Variants in INPP4B observed in about 807,000 individuals in gnomAD.
INPP4B encodes inositol polyphosphate-4-phosphatase type II B, also known as inositol polyphosphate 4-phosphatase type II.
INPP4B carries 55 observed loss-of-function variants against 122.5 expected under a neutral mutation model. The ratio of observed to expected loss-of-function variants is 0.45; its 90% confidence interval spans 0.36 to 0.56. The LOEUF (loss-of-function observed/expected upper bound fraction) is 0.56, where lower values mean the gene tolerates loss of function less well. INPP4B is among the 20% of genes least tolerant of loss of function. INPP4B has a pLI of 0.00. For synonymous variants in INPP4B, 403 were observed against 388.7 expected (o/e 1.04, Z -0.43); for missense variants, 1,000 against 1,097.7 (o/e 0.91, Z 1.26).
intron 12 of INPP4B, among the ~76,000 whole-genome samples, chr4:142,224,335 T>A (rs1414797536): frequency 6.6e-6 from 1 of 152,150 alleles, no homozygotes; most frequent in Non-Finnish European, 1.5e-5. Flanking sequence ...CCTAAATAAA[T>A]CTGAATTTAA....
intron 2 of INPP4B, among the ~76,000 whole-genome samples, chr4:142,712,415 A>G (rs1329118017): frequency 6.6e-6 from 1 of 152,218 alleles, no homozygotes; most frequent in Non-Finnish European, 1.5e-5. Flanking sequence ...AGATACCTAT[A>G]CATGAGCCTG....
intron 11 of INPP4B, among the ~76,000 whole-genome samples, chr4:142,243,117 A>C (rs1181822569): frequency 6.6e-6 from 1 of 152,224 alleles, no homozygotes; most frequent in Non-Finnish European, 1.5e-5. Flanking sequence ...AATGCAAGAG[A>C]GAGCACAGGG....
chr4:142,205,507 A>G (rs796655210), intron 14 of INPP4B, among the ~76,000 whole-genome samples: 14 of 152,226 alleles, frequency 9.2e-5, no homozygotes, highest in African/African-American at 2.6e-4. Context: ...TACTTGATCA[A>G]TTTTCTCCAA....
At chr4:142,329,078 A>G (rs1263347766) in intron 7 of INPP4B, among the ~76,000 whole-genome samples, 5 of 152,240 alleles carry the variant, frequency 3.3e-5, no homozygotes, top group African/African-American at 1.2e-4. Flanking sequence ...AGATATGGTC[A>G]TGAACAAGGA....
chr4:142,678,903 A>G (rs1417664140), intron 2 of INPP4B, among the ~76,000 whole-genome samples: 1 of 151,932 alleles, frequency 6.6e-6, no homozygotes, highest in Non-Finnish European at 1.5e-5. Flanking sequence ...CATCTTTCCA[A>G]GATACATTAA....
At position 142,027,804 on chromosome 4, in the gene INPP4B, C is replaced by T. The variant is rs773667974; in HGVS notation, c.*978G>A. The T allele has an allele frequency of 6.1e-6, 1 of 164,160 alleles. No homozygotes were observed. Among genetic ancestry groups the T allele is most frequent in the Non-Finnish European group, 1.3e-5 (1 of 75,060 alleles). 10.2% of individuals were successfully genotyped at this position (164,160 alleles called of 1,614,324 possible). A position where few individuals can be genotyped will look rare whatever the true frequency, so the allele number is the denominator to read the frequency against. The stretch of plus-strand genomic sequence containing the variant: ...GCAAGGGCAAGTTTGATATTCAGGG[C>T]AACAGAAAATAATTGTTTTACTTTA... On this transcript the variant is annotated 3_prime_UTR_variant, in exon 26 of 26. Coordinates refer to ENST00000262992, the MANE Select transcript of INPP4B (RefSeq NM_001101669.3).
intron 2 of INPP4B, among the ~76,000 whole-genome samples, chr4:142,525,182 G>A (rs1826725704): frequency 6.6e-6 from 1 of 151,794 alleles, no homozygotes; most frequent in African/African-American, 2.4e-5. Flanking sequence ...AACTTACAAG[G>A]GATGTGAAGG....
At chr4:142,569,353 C>A (rs2150153371) in intron 2 of INPP4B, among the ~76,000 whole-genome samples, 1 of 151,758 alleles carries the variant, frequency 6.6e-6, no homozygotes, top group East Asian at 1.9e-4. Context: ...TGTTTCTACC[C>A]CACAAAGGAG....
At chr4:142,237,760 T>C in intron 12 of INPP4B, 104 bp downstream of exon 12, 1 of 613,978 alleles carries the variant, frequency 1.6e-6, no homozygotes, top group Admixed American at 3.3e-5. Flanking sequence ...TCACAATGCA[T>C]ACATATTTCA....
intron 7 of INPP4B, among the ~76,000 whole-genome samples, chr4:142,322,433 G>T (rs1579729960): frequency 1.3e-5 from 2 of 152,100 alleles, no homozygotes; most frequent in South Asian, 2.1e-4. Flanking sequence ...ATGCCCACAG[G>T]CTCCAGGTAG....
chr4:142,827,055 C>G (rs1405156039), intron 1 of INPP4B, among the ~76,000 whole-genome samples: 1 of 152,148 alleles, frequency 6.6e-6, no homozygotes, highest in Non-Finnish European at 1.5e-5. Flanking sequence ...CATACTGTGC[C>G]TAATAGTCAT....
At chr4:142,053,980 G>A in intron 25 of INPP4B, among the ~76,000 whole-genome samples, 1 of 134,402 alleles carries the variant, frequency 7.4e-6, no homozygotes, top group African/African-American at 2.8e-5. Context: ...AATGGTTTTA[G>A]GCAATTCTTA....
rs150279647 is a variant in INPP4B, at chr4:142,382,952, T to C, written c.372+19986A>G. Among the ~76,000 whole-genome samples the C allele has an allele frequency of 3.1e-3, 466 of 152,128 alleles. 1 individual carries two copies. Among genetic ancestry groups the C allele is most frequent in the South Asian group, 9.9e-3 (48 of 4,826 alleles). On this transcript the variant is annotated intron_variant, in intron 7 of 25. Coordinates refer to ENST00000262992, the MANE Select transcript of INPP4B (RefSeq NM_001101669.3). ...AATTTAAGCATTTAATTGTTTAGAA[T>C]ATTTATATTACCTTTTAAGGACTTA...
At chr4:142,784,774 C>G (rs1457330522) in intron 1 of INPP4B, among the ~76,000 whole-genome samples, 3 of 151,900 alleles carry the variant, frequency 2.0e-5, no homozygotes, top group Middle Eastern at 3.2e-3. Context: ...GAAGAGTAAC[C>G]CTTTTACAAT....
intron 2 of INPP4B, among the ~76,000 whole-genome samples, chr4:142,687,293 G>A (rs2150707278): frequency 6.6e-6 from 1 of 152,092 alleles, no homozygotes; most frequent in African/African-American, 2.4e-5. Context: ...CATTCCAAAA[G>A]TGCTTCAGAG....
intron 17 of INPP4B, among the ~76,000 whole-genome samples, chr4:142,159,624 T>C (rs900030648): frequency 1.3e-5 from 2 of 152,048 alleles, no homozygotes; most frequent in African/African-American, 4.8e-5. Flanking sequence ...GTAATAGATT[T>C]CCCTTTGTGT....
At chr4:142,493,460 T>G (rs1822133525) in intron 2 of INPP4B, among the ~76,000 whole-genome samples, 1 of 152,160 alleles carries the variant, frequency 6.6e-6, no homozygotes, top group South Asian at 2.1e-4. Context: ...AGGGGAGCTG[T>G]ACCTACAGGG....
At chr4:142,644,995 A>G (rs1034334578) in intron 2 of INPP4B, among the ~76,000 whole-genome samples, 7 of 152,048 alleles carry the variant, frequency 4.6e-5, no homozygotes, top group East Asian at 3.9e-4. Flanking sequence ...GAAAAAGTAC[A>G]TGTTAAGATC....
chr4:142,028,930 A>G lies in INPP4B; in HGVS notation c.2643-16T>C, dbSNP rs767693410. 1 of 1,605,088 alleles carries G rather than the reference A, an allele frequency of 6.2e-7. No homozygotes were observed. Among genetic ancestry groups the G allele is most frequent in the South Asian group, 1.1e-5 (1 of 88,958 alleles). On this transcript the variant is annotated splice_polypyrimidine_tract_variant and intron_variant, in intron 25 of 25. Coordinates refer to ENST00000262992, the MANE Select transcript of INPP4B (RefSeq NM_001101669.3). The stretch of plus-strand genomic sequence containing the variant: ...GCATCCTTCTCTGGTGAAAGGGGAA[A>G]AAGTACAACTTCATGAAACACAGAA...
Sources: allele counts gnomAD v4.1 joint callset (sites outside exome capture counted in the v4.1 genomes callset), GRCh38; gene constraint gnomAD v4.1.1; transcripts MANE v1.5; gene names NCBI Gene and HGNC (gene_info 2026-07-23, HGNC 2026-07-21).